The following KLHL20 variants were observed in gnomAD, a reference collection of about 807,000 sequenced individuals.
KLHL20 encodes kelch like family member 20.
In KLHL20, 29 loss-of-function variants were observed where a neutral mutation model predicts 69.5. The observed-to-expected ratio is 0.42, with a 90% confidence interval of 0.31 to 0.57. The LOEUF is 0.57. Ranked by LOEUF, KLHL20 falls within the 20% of genes least tolerant of loss-of-function variation. The pLI is 0.18. For synonymous variants in KLHL20, 253 were observed against 265.2 expected (o/e 0.95, Z 0.45); for missense variants, 419 against 776.0 (o/e 0.54, Z 5.47).
In KLHL20 at chr1:173,785,853, T is replaced by C. The variant is rs1250497369; in HGVS notation, c.*606T>C. ...AAACCAGGACTCAGACACTACAGTT[T>C]TCATCAGTGTAATTTTATGTCTTGT... On this transcript the variant is annotated 3_prime_UTR_variant, in exon 12 of 12. Transcript: ENST00000209884. The C allele has an allele frequency of 2.0e-5, 3 of 152,206 alleles. No homozygotes were observed. Among genetic ancestry groups the C allele is most frequent in the Non-Finnish European group, 4.4e-5 (3 of 68,012 alleles). 9.4% of individuals were successfully genotyped at this position (152,206 alleles called of 1,614,324 possible).
intron 3 of KLHL20, among the ~76,000 whole-genome samples, chr1:173,741,298 TG>T (rs2102483585): frequency 6.6e-6 from 1 of 152,336 alleles, no homozygotes; most frequent in African/African-American, 2.4e-5. Context: ...TCTGTCCAAT[TG>T]GGGGCTGCAA....
At chr1:173,779,557 G>A (rs1276772267) in intron 10 of KLHL20, among the ~76,000 whole-genome samples, 1 of 151,708 alleles carries the variant, frequency 6.6e-6, no homozygotes, top group Non-Finnish European at 1.5e-5. Flanking sequence ...TGCCATGTTG[G>A]CCAGGCTGGT....
chr1:173,737,520 T>A (rs1672592743), intron 3 of KLHL20, among the ~76,000 whole-genome samples: 1 of 152,270 alleles, frequency 6.6e-6, no homozygotes, highest in African/African-American at 2.4e-5. Flanking sequence ...TTGTCAAAGA[T>A]CAGTTGGCTT....
chr1:173,740,189 TC>T (rs1327975060), intron 3 of KLHL20, among the ~76,000 whole-genome samples: 2 of 150,814 alleles, frequency 1.3e-5, no homozygotes, highest in African/African-American at 2.4e-5. Flanking sequence ...TGGCGCGATT[TC>T]GGCTCACTGC....
chr1:173,736,616 AAC>A (rs1195165656), intron 3 of KLHL20, among the ~76,000 whole-genome samples: 1 of 151,226 alleles, frequency 6.6e-6, no homozygotes, highest in Admixed American at 6.6e-5. Flanking sequence ...TTAATTTTGA[AAC>A]AGAGTCTCAC....
In KLHL20 at chr1:173,733,700, A is replaced by G; in HGVS notation, c.24-13A>G. 1.9e-6 allele frequency: 3 copies of G among 1,581,282 alleles called. No individual in the cohort carries two copies. Among genetic ancestry groups the G allele is most frequent in the Non-Finnish European group, 2.6e-6 (3 of 1,158,370 alleles). ...TACTGCCATCTTCTCTCTCTCCCCC[A>G]TCATTCCTATAGGTGTACCAACATT... On this transcript the variant is annotated splice_polypyrimidine_tract_variant and intron_variant, in intron 2 of 11. Transcript: ENST00000209884.
At chr1:173,766,069 C>A in intron 7 of KLHL20, 77 bp from the exon 8 acceptor site, 1 of 1,147,804 alleles carries the variant, frequency 8.7e-7, no homozygotes, top group Non-Finnish European at 1.2e-6. Flanking sequence ...CATATAAATC[C>A]ATGGATTTAG....
At chr1:173,757,920 G>C (rs1006873078) in intron 7 of KLHL20, among the ~76,000 whole-genome samples, 3 of 152,130 alleles carry the variant, frequency 2.0e-5, no homozygotes, top group Admixed American at 2.0e-4. Context: ...TGTTTCAATA[G>C]CTTCTTGCTC....
At position 173,757,096 on chromosome 1, in the gene KLHL20, TTGA is replaced by T; in HGVS notation, c.1093_1095del (p.Asp365del). On this transcript the variant is annotated inframe_deletion, in exon 7 of 12. Coordinates refer to ENST00000209884, the MANE Select transcript of KLHL20 (RefSeq NM_014458.4). ...AGATGCGGAGTTGGGGTCAGTGTTCTTGATGATCTGTTATATGCAGTAGGAGGC... is the reference window on the plus strand; with the variant it reads ...AGATGCGGAGTTGGGGTCAGTGTTCTTGATCTGTTATATGCAGTAGGAGGC... 6.2e-7 allele frequency: 1 copy of T among 1,614,178 alleles called. No individual in the cohort carries two copies. The highest frequency in any genetic ancestry group is 8.5e-7 in the Non-Finnish European group (1 of 1,180,000).
chr1:173,739,646 C>CTTT (rs60793132), intron 3 of KLHL20, among the ~76,000 whole-genome samples: 2 of 89,926 alleles, frequency 2.2e-5, no homozygotes, highest in Non-Finnish European at 4.4e-5. Context: ...TAATATCTCC[C>CTTT]TTTTTTTTTT....
At chr1:173,726,698 A>G (rs1671982145) in intron 2 of KLHL20, among the ~76,000 whole-genome samples, 1 of 152,210 alleles carries the variant, frequency 6.6e-6, no homozygotes, top group South Asian at 2.1e-4. Context: ...CCTGAGTGTT[A>G]GAAGGAAAAC....
Position 173,774,338 on chromosome 1 carries a change from A to G in KLHL20, c.1329A>G (p.Val443=). ...CGAAGGAGAACAAGTGGACTCGGGT[A>G]GCTTCTATGAGTACCAGAAGACTAG... ...YDPKENKWTR[V]ASMSTRRLGV... The change falls in exon 9 of 12, where the codon GTA becomes GTG. Residue 443 remains valine, a synonymous_variant. Coordinates refer to ENST00000209884, the MANE Select transcript of KLHL20 (RefSeq NM_014458.4). The G allele has an allele frequency of 6.2e-7, 1 of 1,614,150 alleles. No homozygotes were observed. Among genetic ancestry groups the G allele is most frequent in the Non-Finnish European group, 8.5e-7 (1 of 1,180,000 alleles).
intron 11 of KLHL20, among the ~76,000 whole-genome samples, chr1:173,783,602 T>C (rs1168472376): frequency 6.6e-6 from 1 of 152,168 alleles, no homozygotes; most frequent in Admixed American, 6.5e-5. Context: ...GCACGGTGGC[T>C]CATGCCTGTA....
At chr1:173,758,239 C>G (rs578121466) in intron 7 of KLHL20, among the ~76,000 whole-genome samples, 15 of 151,578 alleles carry the variant, frequency 9.9e-5, no homozygotes, top group African/African-American at 3.6e-4. Flanking sequence ...CCATTGCACT[C>G]TAGTCTGGGT....
intron 2 of KLHL20, among the ~76,000 whole-genome samples, chr1:173,720,563 G>A (rs1471183666): frequency 6.6e-6 from 1 of 152,136 alleles, no homozygotes; most frequent in Non-Finnish European, 1.5e-5. Flanking sequence ...GGCACATAGG[G>A]GATGGATTGG....
In KLHL20 at chr1:173,747,829, C is replaced by G. The variant is rs573989391; in HGVS notation, c.598-3935C>G. On this transcript the variant is annotated intron_variant, in intron 3 of 11. Transcript: ENST00000209884. ...GTTACTTTTACAAACTAGAAAAGAG[C>G]AAATTAAACCCACAGTAGAAGGAAG... Among the ~76,000 whole-genome samples the G allele has an allele frequency of 1.1e-4, 16 of 143,980 alleles. No homozygotes were observed. In the South Asian group the frequency reaches 3.6e-3, roughly 32 times the overall value. 94.5% of individuals were successfully genotyped at this position (143,980 alleles called of 152,430 possible). A position where few individuals can be genotyped will look rare whatever the true frequency, so the allele number is the denominator to read the frequency against.
At position 173,785,504 on chromosome 1, in the gene KLHL20, C is replaced by T. The variant is rs2102546445; in HGVS notation, c.*257C>T. The T allele has an allele frequency of 4.7e-6, 1 of 213,492 alleles. No individual in the cohort carries two copies. Among genetic ancestry groups the T allele is most frequent in the South Asian group, 1.5e-4 (1 of 6,670 alleles). 13.2% of individuals were successfully genotyped at this position (213,492 alleles called of 1,614,324 possible). A position where few individuals can be genotyped will look rare whatever the true frequency, so the allele number is the denominator to read the frequency against. On this transcript the variant is annotated 3_prime_UTR_variant, in exon 12 of 12. Transcript: ENST00000209884. The stretch of plus-strand genomic sequence containing the variant: ...TTCGTTTTGAACTTATCCTTCCTCC[C>T]ACAAAAAAAGAAAAGAAGAAAAAAT...
At chr1:173,760,840 G>A (rs1647242502) in intron 7 of KLHL20, among the ~76,000 whole-genome samples, 1 of 152,122 alleles carries the variant, frequency 6.6e-6, no homozygotes. Context: ...CAAAACCAAA[G>A]TACATAGGCA....
In KLHL20 at chr1:173,715,983, C is replaced by T; in HGVS notation, c.-41-20C>T. On this transcript the variant is annotated intron_variant, in intron 1 of 11. Coordinates refer to ENST00000209884, the MANE Select transcript of KLHL20 (RefSeq NM_014458.4). ...ATCAGAAATAGCTTTTATTAAGTTC[C>T]TGCTTTTCTGTTGTCTTAGGTTCGG... 1 of 1,535,386 alleles carries T rather than the reference C, an allele frequency of 6.5e-7. No homozygotes were observed. Among genetic ancestry groups the T allele is most frequent in the Non-Finnish European group, 8.9e-7 (1 of 1,118,246 alleles).
Sources: gnomAD v4.1 joint callset for allele counts (sites outside exome capture counted in the v4.1 genomes callset) on GRCh38, gnomAD v4.1.1 for gene constraint, MANE v1.5 for transcripts, NCBI Gene and HGNC (gene_info 2026-07-23, HGNC 2026-07-21) for gene names.